ADAM2: variants seen among roughly 807,000 people sequenced by gnomAD.
ADAM2 encodes ADAM metallopeptidase domain 2.
A neutral mutation model predicts 99.3 loss-of-function variants in ADAM2; 101 were observed. The ratio of observed to expected loss-of-function variants is 1.02; its 90% CI spans 0.87 to 1.20. The LOEUF is 1.20. Among genes scored for constraint, ADAM2 ranks in the 50% most tolerant of loss-of-function variants. The pLI is 0.00. For synonymous variants in ADAM2, 323 were observed against 287.6 expected, an observed-to-expected ratio of 1.12 and a Z score of -1.25; for missense variants, 948 against 878.7, an observed-to-expected ratio of 1.08 and a Z score of -1.00.
rs984502211 is a variant in ADAM2 at position 39,761,661 on chromosome 8, A to G, written c.1508-380T>C. On this transcript the variant is annotated intron_variant, in intron 14 of 20. Transcript: ENST00000265708. ...GAATGTCTTTTCAAGTCAAACAACT[A>G]ACCAATTATCTTGTTTTACATCATA... Among the ~76,000 whole-genome samples the G allele has an allele frequency of 2.0e-5, 3 of 152,252 alleles. No individual in the cohort carries two copies. The East Asian group carries it at 5.8e-4, about 29-fold the overall frequency.
intron 14 of ADAM2, among the ~76,000 whole-genome samples, chr8:39,762,822 A>T (rs539389384): frequency 6.6e-6 from 1 of 152,364 alleles, no homozygotes; most frequent in East Asian, 1.9e-4. Context: ...ATTTGCATAG[A>T]TATATACACA....
chr8:39,746,638 GA>G lies in ADAM2; in HGVS notation c.2015-8del, dbSNP rs757521115. Reference sequence around the variant, plus strand: ...TTCTCAATGTAGCGCCTTTCTAGAAGAAAAAAAAATCAAAGATTTGAAAGCA... The same window carrying G: ...TTCTCAATGTAGCGCCTTTCTAGAAGAAAAAAAATCAAAGATTTGAAAGCA... On this transcript the variant is annotated splice_polypyrimidine_tract_variant and splice_region_variant and intron_variant, in intron 18 of 20. Coordinates refer to ENST00000265708, the MANE Select transcript of ADAM2 (RefSeq NM_001464.5). 56 of 1,536,316 alleles carry G rather than the reference GA, an allele frequency of 3.6e-5. No individual in the cohort carries two copies. The highest frequency in any genetic ancestry group is 1.4e-4 in the South Asian group (11 of 77,726).
intron 6 of ADAM2, among the ~76,000 whole-genome samples, chr8:39,810,762 A>C (rs1351196231): frequency 2.6e-5 from 4 of 152,314 alleles, no homozygotes; most frequent in African/African-American, 9.6e-5. Context: ...ACATACCAGA[A>C]TCTCTGGGAC....
intron 11 of ADAM2, among the ~76,000 whole-genome samples, chr8:39,775,674 G>A (rs1034844433): frequency 2.6e-5 from 4 of 152,046 alleles, no homozygotes; most frequent in Admixed American, 2.6e-4. Context: ...TCCCTACAAG[G>A]ATATTAGTGT....
intron 10 of ADAM2, among the ~76,000 whole-genome samples, chr8:39,783,476 C>T (rs1004629596): frequency 6.6e-6 from 1 of 152,064 alleles, no homozygotes; most frequent in Non-Finnish European, 1.5e-5. Context: ...TCCCCTTCAT[C>T]ATAATTAAAT....
intron 18 of ADAM2, among the ~76,000 whole-genome samples, chr8:39,747,211 C>G (rs1823506776): frequency 6.6e-6 from 1 of 152,180 alleles, no homozygotes; most frequent in African/African-American, 2.4e-5. Flanking sequence ...CAGCCTGTTT[C>G]TTGCCTATAG....
intron 2 of ADAM2, 72 bp from the exon 3 acceptor site, chr8:39,834,071 A>G (rs1805722811): frequency 5.2e-6 from 4 of 766,970 alleles, no homozygotes; most frequent in Non-Finnish European, 8.8e-6. Flanking sequence ...ATCATTTTAC[A>G]TTAATGATAA....
intron 7 of ADAM2, among the ~76,000 whole-genome samples, chr8:39,792,167 T>C (rs1173560969): frequency 2.0e-5 from 3 of 151,742 alleles, no homozygotes; most frequent in South Asian, 4.1e-4. Context: ...CAGTACTCTA[T>C]CTTCTGGTAT....
In ADAM2 at chr8:39,808,189, TACACACACACACACACACACAC is replaced by T. The variant is rs144114156; in HGVS notation, c.570+1199_570+1220del. 1.6e-4 allele frequency among the ~76,000 whole-genome samples: 24 copies of T among 146,100 alleles called. No individual in the cohort carries two copies. In the South Asian group the frequency reaches 5.3e-3, roughly 32 times the overall value. On this transcript the variant is annotated intron_variant, in intron 7 of 20. Transcript: ENST00000265708. ...CCTGTATGCAGAAAGTCCTAAGGAA[TACACACACACACACACACACAC>T]ACACACACACAATTACAAGTAATAA...
intron 7 of ADAM2, among the ~76,000 whole-genome samples, chr8:39,800,726 T>C (rs1332040416): frequency 1.3e-5 from 2 of 152,182 alleles, no homozygotes; most frequent in Admixed American, 1.3e-4. Flanking sequence ...GTTCATTCCT[T>C]TTCATTCTTT....
chr8:39,802,749 T>G (rs73615815), intron 7 of ADAM2, among the ~76,000 whole-genome samples: 22,107 of 151,902 alleles, frequency 0.15, 1,755 homozygotes, highest in East Asian at 0.32. Context: ...ACTACCTAAC[T>G]GCAAACCAGA....
At chr8:39,817,048 A>G (rs1804973875) in intron 6 of ADAM2, among the ~76,000 whole-genome samples, 1 of 152,334 alleles carries the variant, frequency 6.6e-6, no homozygotes, top group East Asian at 1.9e-4. Context: ...GAAACAATAT[A>G]TAATGTAAAA....
At chr8:39,810,860 T>G (rs1804664327) in intron 6 of ADAM2, among the ~76,000 whole-genome samples, 1 of 151,762 alleles carries the variant, frequency 6.6e-6, no homozygotes, top group African/African-American at 2.4e-5. Context: ...CACCCTAACA[T>G]CACCATTAAA....
At chr8:39,801,200 G>T (rs1368630944) in intron 7 of ADAM2, among the ~76,000 whole-genome samples, 1 of 152,110 alleles carries the variant, frequency 6.6e-6, no homozygotes, top group Non-Finnish European at 1.5e-5. Flanking sequence ...TGAGGTTTTT[G>T]TGGGGGCCTT....
chr8:39,747,436 A>G (rs1823519733), intron 18 of ADAM2, among the ~76,000 whole-genome samples: 1 of 152,164 alleles, frequency 6.6e-6, no homozygotes, highest in Admixed American at 6.5e-5. Context: ...TTACTGTTTG[A>G]AACTTTTTAT....
chr8:39,744,632 C>T (rs953777458), intron 20 of ADAM2, among the ~76,000 whole-genome samples, 198 bp downstream of exon 20: 2 of 152,044 alleles, frequency 1.3e-5, no homozygotes, highest in African/African-American at 2.4e-5. Context: ...CAGAACCTGT[C>T]GGGGGTTGGG....
intron 7 of ADAM2, among the ~76,000 whole-genome samples, chr8:39,806,339 G>C (rs186550294): frequency 3.3e-5 from 5 of 151,620 alleles, no homozygotes; most frequent in African/African-American, 4.8e-5. Flanking sequence ...CCAGCAAAGC[G>C]CTAAACAAAC....
Position 39,744,911 on chromosome 8 carries a change from A to G in ADAM2, c.2175-18T>C. The G allele has an allele frequency of 6.4e-7, 1 of 1,573,862 alleles. No individual in the cohort carries two copies. On this transcript the variant is annotated intron_variant, in intron 19 of 20. Transcript: ENST00000265708. ...CAGGTTGCCTGCATATTAAAAATAA[A>G]AATAATATTATACTTTCTTCAAGAT...
intron 10 of ADAM2, among the ~76,000 whole-genome samples, chr8:39,785,670 C>A (rs1332819741): frequency 1.3e-5 from 2 of 152,018 alleles, no homozygotes; most frequent in Non-Finnish European, 2.9e-5. Context: ...GTGGTGAGCA[C>A]CTGTAATCCC....
Sources: gnomAD v4.1 joint callset for allele counts (sites outside exome capture counted in the v4.1 genomes callset) on GRCh38, gnomAD v4.1.1 for gene constraint, MANE v1.5 for transcripts, NCBI Gene and HGNC (gene_info 2026-07-23, HGNC 2026-07-21) for gene names.